NEMP2: variants seen among roughly 807,000 people sequenced by gnomAD.
NEMP2 encodes the protein nuclear envelope integral membrane protein 2.
Under a neutral mutation model 54.2 loss-of-function variants are expected in NEMP2, and 53 were observed. The ratio of observed to expected loss-of-function variants is 0.98; its 90% CI spans 0.78 to 1.23. The LOEUF is 1.23. Ranked by LOEUF, NEMP2 falls within the 50% of genes most tolerant of loss-of-function variation. NEMP2 has a pLI of 0.00. For missense variants in NEMP2, 455 were observed against 511.3 expected, an observed-to-expected ratio of 0.89 and a Z score of 1.06; for synonymous variants, 197 against 190.3, an observed-to-expected ratio of 1.04 and a Z score of -0.29.
At chr2:190,643,158 GAGA>G in the NEMP2 span, among the ~76,000 whole-genome samples, 1 of 150,452 alleles carries the variant, frequency 6.6e-6, no homozygotes, top group Non-Finnish European at 1.5e-5. Flanking sequence ...CTGAATTCAA[GAGA>G]AGTATAACAC....
chr2:190,593,672 G>C, the NEMP2 span, among the ~76,000 whole-genome samples: 1 of 152,294 alleles, frequency 6.6e-6, no homozygotes, highest in South Asian at 2.1e-4. This position sits in a 1 kb window ranked among gnomAD's most constrained non-coding sequence, Gnocchi z 4.5. Flanking sequence ...AATGGACACT[G>C]AGAGATAGTA....
the NEMP2 span, among the ~76,000 whole-genome samples, chr2:190,545,783 TCTCC>T: frequency 5.9e-5 from 9 of 152,338 alleles, no homozygotes; most frequent in South Asian, 1.9e-3. Context: ...TCTCTTTCCC[TCTCC>T]CTCTCTTTCT....
chr2:190,471,009 TTAA>T, the NEMP2 span, among the ~76,000 whole-genome samples: 1 of 152,184 alleles, frequency 6.6e-6, no homozygotes, highest in Non-Finnish European at 1.5e-5. The surrounding 1 kb of genome is among the most constrained non-coding windows in gnomAD (Gnocchi z 4.7). Context: ...AACTTGGTCT[TTAA>T]TAATAAGAAA....
At chr2:190,467,603 ACT>A in the NEMP2 span, among the ~76,000 whole-genome samples, 2 of 152,070 alleles carry the variant, frequency 1.3e-5, no homozygotes, top group African/African-American at 4.8e-5. The surrounding 1 kb of genome is among the most constrained non-coding windows in gnomAD (Gnocchi z 5.5). Context: ...ACAGAGCGAG[ACT>A]CTGTCTCAAA....
At chr2:190,453,621 C>T in the NEMP2 span, among the ~76,000 whole-genome samples, 30 of 152,216 alleles carry the variant, frequency 2.0e-4, no homozygotes, top group African/African-American at 6.5e-4. Flanking sequence ...ATAAAAATTA[C>T]ATCCTAATGT....
the NEMP2 span, among the ~76,000 whole-genome samples, chr2:190,453,531 G>A: frequency 3.9e-5 from 6 of 152,306 alleles, no homozygotes; most frequent in Middle Eastern, 3.4e-3. Flanking sequence ...GGAACATGCC[G>A]TTATCAGTGT....
At chr2:190,485,862 T>G in the NEMP2 span, among the ~76,000 whole-genome samples, 16 of 152,040 alleles carry the variant, frequency 1.1e-4, no homozygotes, top group African/African-American at 3.6e-4. The surrounding 1 kb of genome is among the most constrained non-coding windows in gnomAD (Gnocchi z 5.1). Flanking sequence ...CCTAAGAAAG[T>G]TATTTTAATG....
the NEMP2 span, among the ~76,000 whole-genome samples, chr2:190,456,330 T>C: frequency 6.6e-6 from 1 of 152,220 alleles, no homozygotes; most frequent in Non-Finnish European, 1.5e-5. The surrounding 1 kb of genome is among the most constrained non-coding windows in gnomAD (Gnocchi z 5.4). Context: ...GGGAACTGCA[T>C]TGACTTCAGT....
chr2:190,540,390 C>T, the NEMP2 span, among the ~76,000 whole-genome samples: 1 of 151,948 alleles, frequency 6.6e-6, no homozygotes, highest in Admixed American at 6.6e-5. Flanking sequence ...CTCAAATGAT[C>T]CTCCCGCCTC....
chr2:190,578,997 C>T, the NEMP2 span, among the ~76,000 whole-genome samples: 3 of 152,136 alleles, frequency 2.0e-5, no homozygotes, highest in Admixed American at 6.5e-5. This position sits in a 1 kb window ranked among gnomAD's most constrained non-coding sequence, Gnocchi z 4.4. Flanking sequence ...CACCCTGATG[C>T]GTGCTCTTTC....
At chr2:190,619,526 G>A in the NEMP2 span, among the ~76,000 whole-genome samples, 1 of 151,566 alleles carries the variant, frequency 6.6e-6, no homozygotes, top group Non-Finnish European at 1.5e-5. This position sits in a 1 kb window ranked among gnomAD's most constrained non-coding sequence, Gnocchi z 5.5. Context: ...AAAAAAAAAA[G>A]ACTCATAGCA....
chr2:190,463,941 T>C, the NEMP2 span: 3 of 957,576 alleles, frequency 3.1e-6, no homozygotes, highest in African/African-American at 3.5e-5. This position sits in a 1 kb window ranked among gnomAD's most constrained non-coding sequence, Gnocchi z 4.4. Flanking sequence ...TGAGGCAGAC[T>C]GTAGACTGTG....
At chr2:190,626,416 T>A in the NEMP2 span, 12 of 152,224 alleles carry the variant, frequency 7.9e-5, no homozygotes, top group Admixed American at 7.8e-4. This position sits in a 1 kb window ranked among gnomAD's most constrained non-coding sequence, Gnocchi z 4.5. Flanking sequence ...AAATGTACCC[T>A]GAGGAATGCC....
chr2:190,599,522 G>C, the NEMP2 span, among the ~76,000 whole-genome samples: 1 of 152,242 alleles, frequency 6.6e-6, no homozygotes, highest in Admixed American at 6.5e-5. Context: ...AATATATTAA[G>C]TATCAGTCAG....
chr2:190,506,426 T>A lies in NEMP2; in HGVS notation c.*2763A>T, dbSNP rs1261328382. On this transcript the variant is annotated 3_prime_UTR_variant, in exon 9 of 9. Transcript: ENST00000409150. This position sits in a 1 kb window ranked among gnomAD's most constrained non-coding sequence, Gnocchi z 6.3. ...TAGCATAATGTAAGAGAGCATTTCT[T>A]TAGTTGACATCATTTCAGGATCTTA... 1 of 152,244 alleles carries A rather than the reference T, an allele frequency of 6.6e-6. No individual in the cohort carries two copies. Among genetic ancestry groups the A allele is most frequent in the African/African-American group, 2.4e-5 (1 of 41,466 alleles). The allele number at this position is 152,244 out of a possible 1,614,324, so 9.4% of individuals were successfully genotyped here. A position where few individuals can be genotyped will look rare whatever the true frequency, so the allele number is the denominator to read the frequency against.
the NEMP2 span, among the ~76,000 whole-genome samples, chr2:190,482,901 T>TC: frequency 8.7e-6 from 1 of 114,952 alleles, no homozygotes; most frequent in Non-Finnish European, 1.8e-5. Context: ...TTTTTTTTTT[T>TC]TTAGACGGAG....
chr2:190,623,969 T>C, the NEMP2 span, among the ~76,000 whole-genome samples: 1 of 152,100 alleles, frequency 6.6e-6, no homozygotes, highest in Non-Finnish European at 1.5e-5. Flanking sequence ...TTCAACTCTA[T>C]AGCAAAAAAC....
At chr2:190,539,880 CT>C in the NEMP2 span, among the ~76,000 whole-genome samples, 2 of 152,134 alleles carry the variant, frequency 1.3e-5, no homozygotes, top group Non-Finnish European at 2.9e-5. This position sits in a 1 kb window ranked among gnomAD's most constrained non-coding sequence, Gnocchi z 4.1. Flanking sequence ...GCTAATTTGA[CT>C]TCTTCCTTTC....
chr2:190,436,560 T>G, the NEMP2 span: 1 of 1,614,244 alleles, frequency 6.2e-7, no homozygotes, highest in Non-Finnish European at 8.5e-7. This position sits in a 1 kb window ranked among gnomAD's most constrained non-coding sequence, Gnocchi z 5.3. Flanking sequence ...ACCAGTTAAC[T>G]ATCCTGCCAA....
Sources: gnomAD v4.1 joint callset for allele counts (sites outside exome capture counted in the v4.1 genomes callset) on GRCh38, gnomAD v4.1.1 for gene constraint, Gnocchi (gnomAD v3.1) non-coding constraint, MANE v1.5 for transcripts, NCBI Gene and HGNC (gene_info 2026-07-23, HGNC 2026-07-21) for gene names.